The following SH3RF2 variants were observed in gnomAD, a reference collection of about 807,000 sequenced individuals.
The protein encoded by SH3RF2 is SH3 domain containing ring finger 2.
Under a neutral mutation model 59.0 loss-of-function variants are expected in SH3RF2, and 43 were observed. The ratio of observed to expected loss-of-function variants is 0.73; its 90% confidence interval spans 0.57 to 0.94. The LOEUF (loss-of-function observed/expected upper bound fraction) is 0.94. Ranked by LOEUF, SH3RF2 falls within the 40% of genes least tolerant of loss-of-function variation. The pLI, the probability that SH3RF2 is intolerant of heterozygous loss-of-function variation, is 0.00. For missense variants in SH3RF2, 930 were observed against 940.1 expected, an observed-to-expected ratio of 0.99 and a Z score of 0.14; for synonymous variants, 391 against 391.5, an observed-to-expected ratio of 1.00 and a Z score of 0.01.
At position 146,055,989 on chromosome 5, in the gene SH3RF2, C is replaced by G; in HGVS notation, c.1331C>G (p.Ser444Cys). 6.2e-7 allele frequency: 1 copy of G among 1,611,374 alleles called. No homozygotes were observed. The highest frequency in any genetic ancestry group is 8.5e-7 in the Non-Finnish European group (1 of 1,178,942). The part of the protein sequence containing the change: ...NYVIPIFRKT[S>C]SFPDSRSPGL... ...AAATTTTCCAAAACCAGAAAGACCTCTAGTTTTCCAGACTCCCGGAGCCCT... is the reference window on the plus strand; with the variant it reads ...AAATTTTCCAAAACCAGAAAGACCTGTAGTTTTCCAGACTCCCGGAGCCCT... The change falls in exon 8 of 10, where the codon TCT (serine) becomes TGT (cysteine). Residue 444 changes from serine to cysteine, a missense_variant. Transcript: ENST00000359120.
rs540941783 is a variant in SH3RF2 at position 145,992,677 on chromosome 5, TA to T, written c.379-7377del. ...GCTTGTGCAGGGGAACTCCTCTTTT[TA>T]AAACCATCAGATCTCATGAGACTTA... On this transcript the variant is annotated intron_variant, in intron 2 of 9. Coordinates refer to ENST00000359120, the MANE Select transcript of SH3RF2 (RefSeq NM_152550.4). Among the ~76,000 whole-genome samples, 595 of 151,604 alleles carry T rather than the reference TA, an allele frequency of 3.9e-3. 7 individuals carry two copies. Among genetic ancestry groups the T allele is most frequent in the African/African-American group, 0.013 (554 of 41,366 alleles).
chr5:145,962,731 G>A (rs186244554), intron 2 of SH3RF2, among the ~76,000 whole-genome samples: 20 of 152,052 alleles, frequency 1.3e-4, no homozygotes, highest in African/African-American at 4.8e-4. Context: ...AAGGGAGCAA[G>A]AGAAGGAAGA....
At chr5:146,072,865 A>G (rs1427673731) in intron 9 of SH3RF2, among the ~76,000 whole-genome samples, 2 of 152,142 alleles carry the variant, frequency 1.3e-5, no homozygotes, top group African/African-American at 4.8e-5. Context: ...AACTTTTCCA[A>G]CCTGTAGTTC....
rs141700105 is a variant in SH3RF2 at position 145,950,895 on chromosome 5, C to T, written c.378+12589C>T. Among the ~76,000 whole-genome samples the T allele has an allele frequency of 1.4e-3, 219 of 152,298 alleles. 1 individual carries two copies. The Middle Eastern group carries it at 0.031, about 21-fold the overall frequency. On this transcript the variant is annotated intron_variant, in intron 2 of 9. Coordinates refer to ENST00000359120, the MANE Select transcript of SH3RF2 (RefSeq NM_152550.4). ...CAGGAAACTCTGCTTCCAATCCTGTCTTAGCTGAAAACCAACCATGTGACA... is the reference window on the plus strand; with the variant it reads ...CAGGAAACTCTGCTTCCAATCCTGTTTTAGCTGAAAACCAACCATGTGACA...
chr5:146,011,764 C>T (rs1185917603), intron 4 of SH3RF2, among the ~76,000 whole-genome samples: 8 of 152,162 alleles, frequency 5.3e-5, no homozygotes, highest in Admixed American at 2.0e-4. Flanking sequence ...TGCTTATCAG[C>T]TTAAGGAGAT....
intron 2 of SH3RF2, among the ~76,000 whole-genome samples, chr5:145,994,318 C>T (rs575035717): frequency 4.7e-4 from 71 of 152,188 alleles, no homozygotes; most frequent in Non-Finnish European, 8.8e-4. Context: ...CCAAATTTTT[C>T]CAACCTCTGC....
At position 146,047,623 on chromosome 5, in the gene SH3RF2, A is replaced by G. The variant is rs1478649768; in HGVS notation, c.1060-149A>G. The G allele has an allele frequency of 2.9e-5, 20 of 700,988 alleles. No individual in the cohort carries two copies. The South Asian group carries it at 3.6e-4, about 13-fold the overall frequency. The allele number at this position is 700,988 out of a possible 1,614,324, so 43.4% of individuals were successfully genotyped here. ...CCACCTCCCTGTGCCCACAGCCACAAACCACAGAGAGGACGCACAATGGGT... is the reference window on the plus strand; with the variant it reads ...CCACCTCCCTGTGCCCACAGCCACAGACCACAGAGAGGACGCACAATGGGT... On this transcript the variant is annotated intron_variant, in intron 5 of 9. Coordinates refer to ENST00000359120, the MANE Select transcript of SH3RF2 (RefSeq NM_152550.4).
chr5:146,079,091 A>C (rs1381752206), exon 10 of SH3RF2: 1 of 152,208 alleles, frequency 6.6e-6, no homozygotes, highest in Non-Finnish European at 1.5e-5. Context: ...ATAATGATCA[A>C]GAAAATAAAG....
chr5:146,008,738 G>A (rs1053049416), intron 4 of SH3RF2, among the ~76,000 whole-genome samples: 1 of 152,178 alleles, frequency 6.6e-6, no homozygotes, highest in East Asian at 1.9e-4. Context: ...ACATAGGAGA[G>A]TTCCAATAGT....
At chr5:145,959,679 A>G (rs892047203) in intron 2 of SH3RF2, among the ~76,000 whole-genome samples, 1 of 151,716 alleles carries the variant, frequency 6.6e-6, no homozygotes, top group African/African-American at 2.4e-5. Flanking sequence ...ATATATATAT[A>G]TATCAGCAGA....
intron 4 of SH3RF2, among the ~76,000 whole-genome samples, chr5:146,008,649 G>A (rs893317654): frequency 1.3e-5 from 2 of 152,090 alleles, no homozygotes; most frequent in African/African-American, 4.8e-5. Flanking sequence ...TTTACATACA[G>A]TAAAATTTAC....
chr5:145,982,712 C>A (rs1387767791), intron 2 of SH3RF2, among the ~76,000 whole-genome samples: 1 of 152,070 alleles, frequency 6.6e-6, no homozygotes, highest in East Asian at 1.9e-4. Context: ...GTGAAGGAGG[C>A]AGATAAATAA....
intron 4 of SH3RF2, among the ~76,000 whole-genome samples, chr5:146,010,426 T>C (rs1470646702): frequency 6.6e-6 from 1 of 152,234 alleles, no homozygotes; most frequent in African/African-American, 2.4e-5. Context: ...ATGGTATTTC[T>C]AGTTCTAGAT....
intron 2 of SH3RF2, among the ~76,000 whole-genome samples, chr5:145,960,336 T>C (rs1365916909): frequency 6.6e-6 from 1 of 152,172 alleles, no homozygotes; most frequent in Admixed American, 6.5e-5. Flanking sequence ...CACAAATATT[T>C]ACTACAAAAA....
chr5:146,078,840 G>C lies in SH3RF2; in HGVS notation c.*414G>C, dbSNP rs549567833. 6 of 152,306 alleles carry C rather than the reference G, an allele frequency of 3.9e-5. No homozygotes were observed. In the East Asian group the frequency reaches 1.2e-3, roughly 29 times the overall value. The allele number at this position is 152,306 out of a possible 1,614,324, so 9.4% of individuals were successfully genotyped here. The stretch of plus-strand genomic sequence containing the variant: ...CAAATGACAAGGCAGGACATCCAAT[G>C]CCTTCGAGCTCTGTGGTCTGGCCTG... On this transcript the variant is annotated 3_prime_UTR_variant, in exon 10 of 10. Coordinates refer to the SH3RF2 transcript ENST00000511217.
chr5:146,032,903 T>C (rs1270667648), intron 5 of SH3RF2, among the ~76,000 whole-genome samples: 3 of 152,182 alleles, frequency 2.0e-5, no homozygotes, highest in Non-Finnish European at 4.4e-5. Context: ...TCCTGCCCTC[T>C]AGAACCTTCC....
intron 2 of SH3RF2, among the ~76,000 whole-genome samples, chr5:145,971,908 A>G (rs1759099086): frequency 6.7e-6 from 1 of 149,396 alleles, no homozygotes; most frequent in South Asian, 2.1e-4. Flanking sequence ...GATGATGATG[A>G]TGGCTAACAA....
chr5:146,052,706 A>G (rs745544559), intron 7 of SH3RF2, among the ~76,000 whole-genome samples: 1 of 152,202 alleles, frequency 6.6e-6, no homozygotes, highest in African/African-American at 2.4e-5. Context: ...TGAATGATAC[A>G]TACCCAGTCC....
chr5:146,000,764 A>G (rs2149983933), intron 3 of SH3RF2, among the ~76,000 whole-genome samples: 1 of 152,344 alleles, frequency 6.6e-6, no homozygotes, highest in African/African-American at 2.4e-5. Flanking sequence ...TGATTTATTC[A>G]TTCTATCACT....
Sources: allele counts gnomAD v4.1 joint callset (sites outside exome capture counted in the v4.1 genomes callset), GRCh38; gene constraint gnomAD v4.1.1; transcripts MANE v1.5; gene names NCBI Gene and HGNC (gene_info 2026-07-23, HGNC 2026-07-21).